ATG5: variants seen among roughly 807,000 people sequenced by gnomAD.
ATG5 encodes autophagy protein 5.
Under a neutral mutation model 36.5 loss-of-function variants are expected in ATG5, and 14 were observed. That is an observed-to-expected ratio of 0.38 (90% CI 0.25 to 0.60). The LOEUF is 0.60. Ranked by LOEUF, ATG5 falls within the 20% of genes least tolerant of loss-of-function variation. The probability of loss-of-function intolerance (pLI) is 0.60; values close to 1 mark genes in which losing one functional copy is unlikely to be tolerated. For synonymous variants in ATG5, 95 were observed against 101.5 expected, an observed-to-expected ratio of 0.94 and a Z score of 0.38; for missense variants, 195 against 326.7, an observed-to-expected ratio of 0.60 and a Z score of 3.11.
intron 3 of ATG5, among the ~76,000 whole-genome samples, chr6:106,296,482 T>C (rs902847282): frequency 1.4e-4 from 22 of 152,222 alleles, no homozygotes; most frequent in Admixed American, 7.9e-4. Context: ...CATTTTCTTA[T>C]GTGTTGCCTA....
chr6:106,201,757 C>T (rs1048424219), intron 7 of ATG5: 2 of 307,002 alleles, frequency 6.5e-6, no homozygotes, highest in Admixed American at 4.7e-5. Flanking sequence ...GATTTAAAAA[C>T]TGTATTTTAT....
At chr6:106,226,679 T>A (rs914277118) in intron 6 of ATG5, among the ~76,000 whole-genome samples, 1 of 152,226 alleles carries the variant, frequency 6.6e-6, no homozygotes, top group Non-Finnish European at 1.5e-5. Context: ...ATATTCTCTT[T>A]ATATCAGCTC....
At chr6:106,290,098 C>G (rs186200293) in intron 4 of ATG5, among the ~76,000 whole-genome samples, 12 of 151,868 alleles carry the variant, frequency 7.9e-5, no homozygotes, top group Non-Finnish European at 7.4e-5. Flanking sequence ...AGTGGTACAG[C>G]TCAATGTAAC....
chr6:106,284,786 T>G (rs560353522), intron 4 of ATG5, among the ~76,000 whole-genome samples: 4 of 152,166 alleles, frequency 2.6e-5, no homozygotes, highest in African/African-American at 9.6e-5. Context: ...TTCATGTGTT[T>G]ACTGGCCATT....
Position 106,321,969 on chromosome 6 carries a change from ACTC to A in ATG5, c.-59+3554_-59+3556del, listed in dbSNP as rs78247717. Reference sequence around the variant, plus strand: ...GCTACTTAAGAAATTTTCTCCCTAAACTCCTCTCCAAATCAGTATAGTCGCACT... The same window carrying A: ...GCTACTTAAGAAATTTTCTCCCTAAACTCTCCAAATCAGTATAGTCGCACT... On this transcript the variant is annotated intron_variant, in intron 1 of 7. Coordinates refer to ENST00000369076, the MANE Select transcript of ATG5 (RefSeq NM_004849.4). 1.5e-3 allele frequency among the ~76,000 whole-genome samples: 221 copies of A among 152,074 alleles called. 5 individuals are homozygous for A. In the East Asian group the frequency reaches 0.039, roughly 27 times the overall value.
intron 6 of ATG5, among the ~76,000 whole-genome samples, chr6:106,210,647 G>A (rs187790234): frequency 4.6e-5 from 7 of 152,284 alleles, no homozygotes; most frequent in African/African-American, 1.7e-4. Context: ...ACTTGATGAC[G>A]ATGGATTCAG....
intron 4 of ATG5, among the ~76,000 whole-genome samples, chr6:106,280,398 A>G (rs1002474869): frequency 6.6e-6 from 1 of 152,180 alleles, no homozygotes; most frequent in Non-Finnish European, 1.5e-5. Context: ...ACAAATCTAA[A>G]TATCAACAGG....
At chr6:106,235,837 GAATA>G in intron 6 of ATG5, among the ~76,000 whole-genome samples, 1 of 152,074 alleles carries the variant, frequency 6.6e-6, no homozygotes, top group East Asian at 1.9e-4. Context: ...CTTAATTGAA[GAATA>G]AATTAATACA....
chr6:106,297,717 AACACACACACACAC>A (rs56336702), intron 3 of ATG5, among the ~76,000 whole-genome samples: 12,289 of 135,448 alleles, frequency 0.091, 559 homozygotes, highest in South Asian at 0.15. Context: ...AAATGACTTA[AACACACACACACAC>A]ACACACACAC....
intron 2 of ATG5, among the ~76,000 whole-genome samples, chr6:106,314,998 G>C (rs985471945): frequency 6.6e-6 from 1 of 152,140 alleles, no homozygotes; most frequent in South Asian, 2.1e-4. Flanking sequence ...CCCAACATGA[G>C]CCTGGGGAAA....
intron 6 of ATG5, among the ~76,000 whole-genome samples, chr6:106,242,574 T>G (rs145485594): frequency 6.6e-6 from 1 of 152,190 alleles, no homozygotes; most frequent in African/African-American, 2.4e-5. Context: ...TATTTTACCA[T>G]GATTAAAAAT....
At chr6:106,305,894 G>A (rs1376112462) in intron 3 of ATG5, among the ~76,000 whole-genome samples, 1 of 152,194 alleles carries the variant, frequency 6.6e-6, no homozygotes, top group Non-Finnish European at 1.5e-5. Flanking sequence ...AAAAGATCAA[G>A]ACTAAGCCCA....
At chr6:106,314,408 T>C (rs574277713) in intron 2 of ATG5, among the ~76,000 whole-genome samples, 1 of 152,116 alleles carries the variant, frequency 6.6e-6, no homozygotes, top group Admixed American at 6.5e-5. Flanking sequence ...AATCTAAAAA[T>C]TAACCGAGCA....
intron 3 of ATG5, among the ~76,000 whole-genome samples, chr6:106,307,675 T>G (rs1391103221): frequency 7.9e-5 from 12 of 151,972 alleles, no homozygotes; most frequent in Admixed American, 7.9e-4. Flanking sequence ...TAGCCCGGAT[T>G]ACAGGCATGT....
At chr6:106,311,835 T>C (rs1473983339) in intron 2 of ATG5, among the ~76,000 whole-genome samples, 2 of 150,788 alleles carry the variant, frequency 1.3e-5, no homozygotes, top group East Asian at 1.9e-4. Context: ...TCTCCTTCTT[T>C]TTTTTTTTTT....
At chr6:106,249,665 G>A (rs1337893322) in intron 5 of ATG5, among the ~76,000 whole-genome samples, 1 of 152,328 alleles carries the variant, frequency 6.6e-6, no homozygotes, top group African/African-American at 2.4e-5. Context: ...CATGGTAACT[G>A]TGTTTTGAGG....
At chr6:106,208,558 G>GA (rs954014462) in intron 6 of ATG5, among the ~76,000 whole-genome samples, 30 of 144,344 alleles carry the variant, frequency 2.1e-4, no homozygotes, top group Admixed American at 6.9e-4. Flanking sequence ...ATATGGCAAG[G>GA]AAAAAAAAAA....
chr6:106,315,080 A>C (rs1770789131), intron 2 of ATG5, among the ~76,000 whole-genome samples: 1 of 152,172 alleles, frequency 6.6e-6, no homozygotes, highest in Admixed American at 6.5e-5. Context: ...GAAAACAAAA[A>C]CAAAAAAACA....
chr6:106,297,965 ATT>A (rs34194209), intron 3 of ATG5, among the ~76,000 whole-genome samples: 27 of 134,574 alleles, frequency 2.0e-4, no homozygotes, highest in East Asian at 4.3e-4. Context: ...GTCAAAATCT[ATT>A]TTTTTTTTTT....
Sources: allele counts gnomAD v4.1 joint callset (sites outside exome capture counted in the v4.1 genomes callset), GRCh38; gene constraint gnomAD v4.1.1; transcripts MANE v1.5; gene names NCBI Gene and HGNC (gene_info 2026-07-23, HGNC 2026-07-21).